Variants in RADX observed in about 807,000 individuals in gnomAD.
RADX encodes the protein RPA1 related single stranded DNA binding protein, X-linked, also known as RPA-related protein RADX.
Under a neutral mutation model 61.6 loss-of-function variants are expected in RADX, and 36 were observed. The ratio of observed to expected loss-of-function variants is 0.58; its 90% CI spans 0.45 to 0.77. The LOEUF (loss-of-function observed/expected upper bound fraction) is 0.77, where lower values mean the gene tolerates loss of function less well. Ranked by LOEUF, RADX falls within the 30% of genes least tolerant of loss-of-function variation. The pLI is 0.00. For synonymous variants in RADX, 272 were observed against 237.9 expected (o/e 1.14, Z -1.32); for missense variants, 497 against 651.1 (o/e 0.76, Z 2.58).
chrX:106,658,389 T>C (rs916044855), intron 11 of RADX, among the ~76,000 whole-genome samples: 5 of 111,411 alleles, frequency 4.5e-5, no homozygotes, highest in African/African-American at 1.3e-4. Context: ...CTCATGCACC[T>C]CCCCACTTTG....
intron 11 of RADX, among the ~76,000 whole-genome samples, chrX:106,648,969 T>G (rs1472572931): frequency 9.0e-6 from 1 of 111,417 alleles, no homozygotes; most frequent in Non-Finnish European, 1.9e-5. Flanking sequence ...CTTGTTAAAT[T>G]TGATGTCTCA....
intron 4 of RADX, 85 bp from the exon 5 acceptor site, chrX:106,632,847 G>T: frequency 1.1e-6 from 1 of 952,211 alleles, no homozygotes. Flanking sequence ...TAGCAATTAT[G>T]TAGATATACA....
intron 11 of RADX, among the ~76,000 whole-genome samples, chrX:106,652,652 C>T (rs779452981): frequency 7.5e-5 from 8 of 107,175 alleles, no homozygotes; most frequent in African/African-American, 2.4e-4. Flanking sequence ...ATGGTGCACT[C>T]CTCTTAAAAT....
intron 2 of RADX, 34 bp from the exon 3 acceptor site, chrX:106,625,056 A>C: frequency 1.9e-6 from 2 of 1,036,576 alleles, no homozygotes; most frequent in South Asian, 5.5e-5. Flanking sequence ...AAAAGTGACA[A>C]ATATGTATGT....
intron 11 of RADX, among the ~76,000 whole-genome samples, chrX:106,654,501 G>T: frequency 9.0e-6 from 1 of 111,076 alleles, no homozygotes; most frequent in Non-Finnish European, 1.9e-5. Context: ...AACAAGCAAT[G>T]GGGAAAGGAT....
intron 2 of RADX, among the ~76,000 whole-genome samples, chrX:106,624,683 C>T (rs777381373): frequency 9.0e-6 from 1 of 111,284 alleles, no homozygotes; most frequent in Admixed American, 9.6e-5. Context: ...AACATAATCT[C>T]TGGAATATGG....
intron 1 of RADX, among the ~76,000 whole-genome samples, chrX:106,621,630 T>C (rs1177896307): frequency 1.8e-5 from 2 of 111,875 alleles, no homozygotes; most frequent in Admixed American, 1.9e-4. Flanking sequence ...TCTAAGTAAA[T>C]TATATGGCAT....
chrX:106,678,332 T>A lies in RADX; in HGVS notation c.*74T>A. The A allele has an allele frequency of 4.1e-6, 3 of 728,975 alleles. No individual in the cohort carries two copies. The highest frequency in any genetic ancestry group is 4.6e-4 in the Middle Eastern group (1 of 2,189). 60.1% of individuals were successfully genotyped at this position (728,975 alleles called of 1,213,427 possible). ...AGATATTCCATCATTTTGCTGGTAA[T>A]TTCAGTAACTGTTTTCAGCAAGAAT... On this transcript the variant is annotated 3_prime_UTR_variant, in exon 14 of 14. Transcript: ENST00000372548.
At chrX:106,639,821 T>C (rs770802542) in intron 9 of RADX, 134 bp downstream of exon 9, 10 of 491,000 alleles carry the variant, frequency 2.0e-5, no homozygotes, top group South Asian at 2.2e-4. Context: ...AAACATTAGG[T>C]TGGTGCAAAA....
At chrX:106,672,470 C>T (rs1928389781) in intron 13 of RADX, among the ~76,000 whole-genome samples, 1 of 104,725 alleles carries the variant, frequency 9.5e-6, no homozygotes, top group Admixed American at 9.8e-5. Flanking sequence ...TATTTTCTCC[C>T]AAAGATACTC....
At position 106,629,221 on chromosome X, in the gene RADX, C is replaced by T. The variant is rs757400060; in HGVS notation, c.980-3404C>T. Among the ~76,000 whole-genome samples the T allele has an allele frequency of 1.2e-4, 13 of 111,160 alleles. No homozygotes were observed. The South Asian group carries it at 4.9e-3, about 42-fold the overall frequency. ...CAGGGGCTATTTCTTTAATTCGGAA[C>T]CCTAGCATTTTAGAGCTGGAAGGGA... On this transcript the variant is annotated intron_variant, in intron 3 of 13. Coordinates refer to ENST00000372548, the MANE Select transcript of RADX (RefSeq NM_018015.6).
chrX:106,675,752 GAA>G (rs1320219806), intron 13 of RADX, among the ~76,000 whole-genome samples: 3 of 111,947 alleles, frequency 2.7e-5, no homozygotes, highest in African/African-American at 9.7e-5. Context: ...AAAATGAACC[GAA>G]GAGTAGCTCG....
At chrX:106,644,884 A>G (rs1486533561) in intron 10 of RADX, among the ~76,000 whole-genome samples, 2 of 111,077 alleles carry the variant, frequency 1.8e-5, no homozygotes, top group Non-Finnish European at 3.8e-5. Flanking sequence ...TCATCAGTGT[A>G]GCCATTGGAT....
At position 106,633,135 on chromosome X, in the gene RADX, C is replaced by T. The variant is rs1296994994; in HGVS notation, c.1186C>T (p.Arg396Cys). The change falls in exon 6 of 14, where the codon CGT becomes TGT. Residue 396 changes from arginine to cysteine, a missense_variant. Arg to Cys is a radical substitution (Grantham distance 180, BLOSUM62 -3). This residue lies in a region of RADX where 196 missense variants were observed against 315.0 expected (regional missense o/e 0.62). Coordinates refer to ENST00000372548, the MANE Select transcript of RADX (RefSeq NM_018015.6). ...TTAATATTCTATCCATATAGAAAAC[C>T]GTGAAGATTTTTGGTCATATCGCTG... ...RVQRSKKKEN[R>C]EDFWSYRWIH... 9.2e-6 allele frequency: 11 copies of T among 1,199,090 alleles called. No homozygotes were observed. The highest frequency in any genetic ancestry group is 1.8e-5 in the African/African-American group (1 of 56,912).
At chrX:106,623,764 A>C (rs1208593170) in intron 2 of RADX, among the ~76,000 whole-genome samples, 1 of 111,490 alleles carries the variant, frequency 9.0e-6, no homozygotes, top group Non-Finnish European at 1.9e-5. Context: ...TTGTGCATAC[A>C]ATTTTGTGTC....
At chrX:106,633,317 A>G in intron 6 of RADX, 65 bp downstream of exon 6, 1 of 979,536 alleles carries the variant, frequency 1.0e-6, no homozygotes, top group Non-Finnish European at 1.4e-6. Context: ...AAAAATGTAG[A>G]GTAAACTGAC....
At chrX:106,624,903 A>G (rs1927041663) in intron 2 of RADX, among the ~76,000 whole-genome samples, 187 bp from the exon 3 acceptor site, 1 of 111,590 alleles carries the variant, frequency 9.0e-6, no homozygotes, top group Non-Finnish European at 1.9e-5. Context: ...ACCTCAATAC[A>G]TTTCTCTATC....
chrX:106,678,324 G>A lies in RADX; in HGVS notation c.*66G>A. ...TGCTTTAAAGATATTCCATCATTTT[G>A]CTGGTAATTTCAGTAACTGTTTTCA... On this transcript the variant is annotated 3_prime_UTR_variant, in exon 14 of 14. Coordinates refer to ENST00000372548, the MANE Select transcript of RADX (RefSeq NM_018015.6). 1 of 800,172 alleles carries A rather than the reference G, an allele frequency of 1.2e-6. No individual in the cohort carries two copies. The highest frequency in any genetic ancestry group is 1.8e-6 in the Non-Finnish European group (1 of 565,960). The allele number at this position is 800,172 out of a possible 1,213,427, so 65.9% of individuals were successfully genotyped here. A position where few individuals can be genotyped will look rare whatever the true frequency, so the allele number is the denominator to read the frequency against.
intron 11 of RADX, among the ~76,000 whole-genome samples, chrX:106,656,820 T>C (rs1927951591): frequency 1.8e-5 from 2 of 111,800 alleles, no homozygotes; most frequent in South Asian, 7.5e-4. Context: ...TGTGCTGTCA[T>C]TGAGGCTTTG....
Sources: allele counts gnomAD v4.1 joint callset (sites outside exome capture counted in the v4.1 genomes callset), GRCh38; gene constraint gnomAD v4.1.1; regional missense constraint gnomAD v4.1.1; transcripts MANE v1.5; gene names NCBI Gene and HGNC (gene_info 2026-07-23, HGNC 2026-07-21).